SLAMF7: variants seen among roughly 807,000 people sequenced by gnomAD.
SLAMF7 encodes the protein SLAM family member 7.
A neutral mutation model predicts 34.1 loss-of-function variants in SLAMF7; 26 were observed. That is an observed-to-expected ratio of 0.76 (90% CI 0.56 to 1.06). The LOEUF is 1.06. SLAMF7 is among the 50% of genes least tolerant of loss of function. The pLI is 0.00. For synonymous variants in SLAMF7, 171 were observed against 156.4 expected (o/e 1.09, Z -0.70); for missense variants, 399 against 402.5 (o/e 0.99, Z 0.07).
At chr1:160,741,108 G>A (rs1663710794) in intron 1 of SLAMF7, among the ~76,000 whole-genome samples, 1 of 152,182 alleles carries the variant, frequency 6.6e-6, no homozygotes, top group Admixed American at 6.5e-5. Context: ...GGGTAGCTCT[G>A]TTTCTGGGAT....
At chr1:160,750,661 G>A in intron 4 of SLAMF7, 1 of 409,520 alleles carries the variant, frequency 2.4e-6, no homozygotes, top group Non-Finnish European at 4.4e-6. Flanking sequence ...TCCCTTTCCA[G>A]GGCTCACTTC....
At chr1:160,739,233 G>C, upstream of SLAMF7, 1 of 1,361,516 alleles carries the variant, frequency 7.3e-7, no homozygotes. Context: ...ATATCAGCTG[G>C]GGAAGAGGTC....
At position 160,739,300 on chromosome 1, in the gene SLAMF7, A is replaced by C. The variant is rs1663539752; in HGVS notation, c.-2A>C. On this transcript the variant is annotated 5_prime_UTR_variant, in exon 1 of 7. Transcript: ENST00000368043. ...TTCAGTGGCTGACTTCCAGAGAGCA[A>C]TATGGCTGGTTCCCCAACATGCCTC... 2 of 1,613,856 alleles carry C rather than the reference A, an allele frequency of 1.2e-6. No homozygotes were observed. The highest frequency in any genetic ancestry group is 2.2e-5 in the East Asian group (1 of 44,888).
intron 6 of SLAMF7, among the ~76,000 whole-genome samples, chr1:160,752,586 G>C (rs1448491758): frequency 6.6e-6 from 1 of 152,224 alleles, no homozygotes; most frequent in Admixed American, 6.5e-5. Context: ...AGGAATAGCT[G>C]AGAGGAGAGT....
chr1:160,750,447 C>G, intron 4 of SLAMF7, 24 bp downstream of exon 4: 1 of 1,608,682 alleles, frequency 6.2e-7, no homozygotes, highest in Non-Finnish European at 8.5e-7. Flanking sequence ...TATTTTTGTC[C>G]TCACCCACAT....
At chr1:160,747,898 T>A (rs911401618) in intron 1 of SLAMF7, among the ~76,000 whole-genome samples, 1 of 83,216 alleles carries the variant, frequency 1.2e-5, no homozygotes, top group African/African-American at 3.6e-5. Context: ...CAGACATTCT[T>A]AACTGTTTTT....
chr1:160,753,376 T>C lies in SLAMF7; in HGVS notation c.*199T>C. 1 of 574,984 alleles carries C rather than the reference T, an allele frequency of 1.7e-6. No individual in the cohort carries two copies. The highest frequency in any genetic ancestry group is 3.1e-6 in the Non-Finnish European group (1 of 327,186). 35.6% of individuals were successfully genotyped at this position (574,984 alleles called of 1,614,324 possible). On this transcript the variant is annotated 3_prime_UTR_variant, in exon 7 of 7. Coordinates refer to ENST00000368043, the MANE Select transcript of SLAMF7 (RefSeq NM_021181.5). ...TTCCATCCACTGCTGAGAAATCTCC[T>C]CAAACCCAGAAGGTTTAATCACTTC... is the stretch of plus-strand genomic sequence containing the variant.
chr1:160,753,489 A>T lies in SLAMF7; in HGVS notation c.*312A>T. ...TAAAAATGTAAATGCAAGGTCACAC[A>T]TATTAATGACAGCCTGTTGTATTAA... On this transcript the variant is annotated 3_prime_UTR_variant, in exon 7 of 7. Coordinates refer to ENST00000368043, the MANE Select transcript of SLAMF7 (RefSeq NM_021181.5). The T allele has an allele frequency of 3.1e-6, 1 of 322,234 alleles. No homozygotes were observed. 20.0% of individuals were successfully genotyped at this position (322,234 alleles called of 1,614,324 possible). A position where few individuals can be genotyped will look rare whatever the true frequency, so the allele number is the denominator to read the frequency against.
intron 3 of SLAMF7, 71 bp downstream of exon 3, chr1:160,750,164 TG>T (rs1664452690): frequency 1.3e-6 from 2 of 1,580,644 alleles, no homozygotes; most frequent in African/African-American, 1.4e-5. Flanking sequence ...CTAGCCCCCA[TG>T]GGAACAGACA....
At chr1:160,747,065 C>T (rs888917310) in intron 1 of SLAMF7, among the ~76,000 whole-genome samples, 6 of 152,162 alleles carry the variant, frequency 3.9e-5, no homozygotes, top group African/African-American at 1.4e-4. Flanking sequence ...AATGCTGAGG[C>T]TTATTGTATT....
At chr1:160,743,712 A>G (rs1438919764) in intron 1 of SLAMF7, among the ~76,000 whole-genome samples, 2 of 152,178 alleles carry the variant, frequency 1.3e-5, no homozygotes, top group African/African-American at 4.8e-5. Context: ...CTCTGTCTCC[A>G]GGGTCTCACT....
intron 1 of SLAMF7, among the ~76,000 whole-genome samples, chr1:160,746,701 A>G (rs1194344518): frequency 6.6e-6 from 1 of 152,222 alleles, no homozygotes; most frequent in Non-Finnish European, 1.5e-5. Flanking sequence ...ACATTCTGAG[A>G]GAAGGAAAAT....
rs1439621995 is a variant in SLAMF7 at position 160,748,517 on chromosome 1, G to A, written c.376+3G>A. 7 of 1,605,106 alleles carry A rather than the reference G, an allele frequency of 4.4e-6. No homozygotes were observed. Among genetic ancestry groups the A allele is most frequent in the Non-Finnish European group, 6.0e-6 (7 of 1,173,744 alleles). On this transcript the variant is annotated splice_donor_region_variant and intron_variant, in intron 2 of 6. Transcript: ENST00000368043. The stretch of plus-strand genomic sequence containing the variant: ...GGAGTACGTGCTGCATGTCTACGGT[G>A]AGCAAAATCAGTTCCAATGGTGGAT...
At chr1:160,751,711 T>C in intron 5 of SLAMF7, 1 of 370,318 alleles carries the variant, frequency 2.7e-6, no homozygotes, top group Non-Finnish European at 4.9e-6. Context: ...CCACAGTTCA[T>C]AACGGCCACA....
At position 160,739,275 on chromosome 1, in the gene SLAMF7, T is replaced by G. The variant is rs749890588; in HGVS notation, c.-27T>G. 3.7e-6 allele frequency: 6 copies of G among 1,612,174 alleles called. No homozygotes were observed. Among genetic ancestry groups the G allele is most frequent in the Non-Finnish European group, 5.1e-6 (6 of 1,178,320 alleles). ...ATACCTAAGAGGGAAGTGGCTTCAT[T>G]TCAGTGGCTGACTTCCAGAGAGCAA... is the stretch of plus-strand genomic sequence containing the variant. On this transcript the variant is annotated 5_prime_UTR_variant, in exon 1 of 7. It adds an upstream start codon to the 5' untranslated region. Transcript: ENST00000368043.
chr1:160,749,909 T>C lies in SLAMF7; in HGVS notation c.465T>C (p.His155=), dbSNP rs768678112. The part of the protein sequence containing the change: ...CVTNLTCCME[H]GEEDVIYTWK... The stretch of plus-strand genomic sequence containing the variant: ...CCAATCTGACATGCTGCATGGAACA[T>C]GGGGAAGAGGATGTGATTTATACCT... The change falls in exon 3 of 7, where the codon CAT becomes CAC. Residue 155 remains histidine, a synonymous_variant. Coordinates refer to ENST00000368043, the MANE Select transcript of SLAMF7 (RefSeq NM_021181.5). 9 of 1,614,082 alleles carry C rather than the reference T, an allele frequency of 5.6e-6. No homozygotes were observed. The highest frequency in any genetic ancestry group is 7.6e-6 in the Non-Finnish European group (9 of 1,179,960).
chr1:160,739,191 T>C (rs896326276), upstream of SLAMF7: 3 of 930,650 alleles, frequency 3.2e-6, no homozygotes, highest in African/African-American at 4.8e-5. Flanking sequence ...CAATCTCACA[T>C]GTCTGCGGCG....
chr1:160,739,239 A>AG, upstream of SLAMF7: 2 of 1,400,194 alleles, frequency 1.4e-6, no homozygotes, highest in Non-Finnish European at 2.0e-6. Context: ...GCTGGGGAAG[A>AG]GGTCTGAGTA....
intron 3 of SLAMF7, 21 bp from the exon 4 acceptor site, chr1:160,750,283 G>A (rs1558058734): frequency 2.5e-6 from 4 of 1,612,210 alleles, no homozygotes; most frequent in Non-Finnish European, 3.4e-6. Context: ...CCTTCCCTGT[G>A]CCTCCACCCA....
Sources: allele counts gnomAD v4.1 joint callset (sites outside exome capture counted in the v4.1 genomes callset), GRCh38; gene constraint gnomAD v4.1.1; transcripts MANE v1.5; gene names NCBI Gene and HGNC (gene_info 2026-07-23, HGNC 2026-07-21).